Variants in TNNI3K observed in about 807,000 individuals in gnomAD.
TNNI3K encodes the protein TNNI3 interacting kinase.
TNNI3K carries 140 observed loss-of-function variants against 114.5 expected under a neutral mutation model. The observed-to-expected ratio is 1.22, with a 90% CI of 1.07 to 1.41. The LOEUF is 1.41. Ranked by LOEUF, TNNI3K falls within the 40% of genes most tolerant of loss-of-function variation. TNNI3K has a pLI of 0.00. For missense variants in TNNI3K, 1,125 were observed against 1,007.6 expected (o/e 1.12, Z -1.58); for synonymous variants, 347 against 347.5 (o/e 1.00, Z 0.02).
chr1:74,388,766 A>G (rs1663617539), intron 17 of TNNI3K, among the ~76,000 whole-genome samples: 1 of 152,194 alleles, frequency 6.6e-6, no homozygotes, highest in Admixed American at 6.5e-5. Context: ...GATGCTTGAA[A>G]AATATACCAT....
intron 21 of TNNI3K, among the ~76,000 whole-genome samples, chr1:74,488,818 A>G (rs1227824562): frequency 6.6e-6 from 1 of 152,210 alleles, no homozygotes; most frequent in Non-Finnish European, 1.5e-5. Flanking sequence ...TTCTTTTTAT[A>G]CACAGTGTGC....
At position 74,491,438 on chromosome 1, in the gene TNNI3K, C is replaced by T. The variant is rs868704323; in HGVS notation, c.2182-659C>T. Among the ~76,000 whole-genome samples the T allele has an allele frequency of 2.6e-5, 4 of 152,096 alleles. No individual in the cohort carries two copies. The East Asian group carries it at 7.7e-4, about 29-fold the overall frequency. ...TTTCACCATGTTGACCAGATGGTGT[C>T]GATCTGTTGACCAGGATGGTGTCGA... On this transcript the variant is annotated intron_variant, in intron 22 of 24. Coordinates refer to ENST00000326637, the MANE Select transcript of TNNI3K (RefSeq NM_015978.3).
chr1:74,268,851 C>T (rs1482174044), intron 4 of TNNI3K, among the ~76,000 whole-genome samples: 1 of 151,768 alleles, frequency 6.6e-6, no homozygotes, highest in Non-Finnish European at 1.5e-5. Context: ...CCTGGTTCTT[C>T]CCTATCTCTC....
intron 9 of TNNI3K, among the ~76,000 whole-genome samples, chr1:74,344,027 T>C (rs1415348366): frequency 6.6e-6 from 1 of 152,228 alleles, no homozygotes; most frequent in Non-Finnish European, 1.5e-5. Context: ...ACCTCTAAAA[T>C]TGTATTTGAG....
At chr1:74,307,777 A>G (rs936277131) in intron 5 of TNNI3K, among the ~76,000 whole-genome samples, 1 of 152,102 alleles carries the variant, frequency 6.6e-6, no homozygotes, top group Non-Finnish European at 1.5e-5. Flanking sequence ...ATCCTGGCCA[A>G]CATGGTGAAA....
chr1:74,327,515 T>C lies in TNNI3K; in HGVS notation c.445-3935T>C, dbSNP rs536398478. 2.0e-5 allele frequency among the ~76,000 whole-genome samples: 3 copies of C among 147,054 alleles called. No individual in the cohort carries two copies. In the South Asian group the frequency reaches 6.3e-4, roughly 31 times the overall value. On this transcript the variant is annotated intron_variant, in intron 5 of 24. Transcript: ENST00000326637. ...TTTCAGTAGTAGCATTTAATATATATATCTCAGTATTTTATATATTGAGTA... is the reference window on the plus strand; with the variant it reads ...TTTCAGTAGTAGCATTTAATATATACATCTCAGTATTTTATATATTGAGTA...
chr1:74,523,492 GA>G (rs1388168342), intron 23 of TNNI3K, among the ~76,000 whole-genome samples: 12 of 144,854 alleles, frequency 8.3e-5, no homozygotes, highest in African/African-American at 2.7e-4. Flanking sequence ...AAGAAAGAGA[GA>G]AAGAGAAAGA....
intron 5 of TNNI3K, among the ~76,000 whole-genome samples, chr1:74,309,366 CAAAA>C (rs71078188): frequency 1.2e-4 from 3 of 24,096 alleles, no homozygotes; most frequent in African/African-American, 5.3e-4. Flanking sequence ...GACTCTGTCT[CAAAA>C]AAAAAAAAAA....
intron 5 of TNNI3K, among the ~76,000 whole-genome samples, chr1:74,321,230 A>G (rs764073405): frequency 5.3e-5 from 8 of 152,174 alleles, no homozygotes; most frequent in Non-Finnish European, 1.2e-4. Flanking sequence ...CATCTAATGA[A>G]GCAAATAGCA....
intron 5 of TNNI3K, among the ~76,000 whole-genome samples, chr1:74,309,472 C>G (rs1658858119): frequency 6.6e-6 from 1 of 151,506 alleles, no homozygotes; most frequent in East Asian, 1.9e-4. Context: ...CTAGTATCAC[C>G]TTGGATACCA....
At chr1:74,422,287 A>G (rs907839135) in intron 17 of TNNI3K, among the ~76,000 whole-genome samples, 1 of 151,978 alleles carries the variant, frequency 6.6e-6, no homozygotes, top group African/African-American at 2.4e-5. Flanking sequence ...TTTTATTTAT[A>G]TCCTATTAGA....
intron 9 of TNNI3K, among the ~76,000 whole-genome samples, chr1:74,344,220 T>TTACAAA (rs1660886247): frequency 6.6e-6 from 1 of 152,200 alleles, no homozygotes. Context: ...CAAACAAGGG[T>TTACAAA]GAAGTAAAAC....
intron 21 of TNNI3K, chr1:74,471,698 C>A: frequency 2.5e-6 from 1 of 401,840 alleles, no homozygotes; most frequent in South Asian, 1.2e-4. Flanking sequence ...AAATCAGGAT[C>A]ATGGAAGATA....
intron 11 of TNNI3K, among the ~76,000 whole-genome samples, chr1:74,363,207 C>T (rs927506635): frequency 6.6e-6 from 1 of 151,962 alleles, no homozygotes; most frequent in Non-Finnish European, 1.5e-5. Flanking sequence ...GGCCAAGTGT[C>T]CAGGAGCTGG....
intron 17 of TNNI3K, among the ~76,000 whole-genome samples, chr1:74,406,563 A>C (rs1487631000): frequency 6.6e-6 from 1 of 152,116 alleles, no homozygotes; most frequent in East Asian, 1.9e-4. Context: ...CAGCTCCAGA[A>C]AGTTCTATGT....
At chr1:74,428,542 T>C (rs571768892) in intron 17 of TNNI3K, among the ~76,000 whole-genome samples, 1 of 152,162 alleles carries the variant, frequency 6.6e-6, no homozygotes, top group South Asian at 2.1e-4. Context: ...AAAACAGACT[T>C]CCATAGGCTT....
intron 5 of TNNI3K, among the ~76,000 whole-genome samples, chr1:74,302,471 G>A (rs1273187434): frequency 3.9e-5 from 6 of 152,302 alleles, no homozygotes; most frequent in African/African-American, 1.4e-4. Context: ...AGCTGAGATA[G>A]GCCAAAAGGT....
intron 17 of TNNI3K, among the ~76,000 whole-genome samples, chr1:74,390,441 C>G (rs1301472332): frequency 6.6e-6 from 1 of 152,130 alleles, no homozygotes; most frequent in Non-Finnish European, 1.5e-5. Context: ...GTATTTAACT[C>G]TGAAATGTTT....
chr1:74,272,790 C>A (rs895237126), intron 5 of TNNI3K, among the ~76,000 whole-genome samples: 1 of 151,872 alleles, frequency 6.6e-6, no homozygotes, highest in Non-Finnish European at 1.5e-5. Flanking sequence ...GTTTTTATTG[C>A]CGCTGCCATT....
Sources: allele counts gnomAD v4.1 joint callset (sites outside exome capture counted in the v4.1 genomes callset), GRCh38; gene constraint gnomAD v4.1.1; transcripts MANE v1.5; gene names NCBI Gene and HGNC (gene_info 2026-07-23, HGNC 2026-07-21).